Variants in SPATA31H1 observed in about 807,000 individuals in gnomAD.
SPATA31H1 encodes spermatogenesis-associated protein 31H1.
chr2:27,537,716 T>G, the SPATA31H1 span: 2 of 612,314 alleles, frequency 3.3e-6, no homozygotes, highest in South Asian at 2.0e-5. Context: ...TAGATCACTA[T>G]AAATCCTTTT....
chr2:27,566,393 A>G, the SPATA31H1 span: 3 of 716,922 alleles, frequency 4.2e-6, no homozygotes, highest in African/African-American at 3.5e-5. Flanking sequence ...AGGTCAGGCA[A>G]TGTAGTTTCT....
the SPATA31H1 span, among the ~76,000 whole-genome samples, chr2:27,554,822 C>G: frequency 6.6e-6 from 1 of 152,016 alleles, no homozygotes; most frequent in Non-Finnish European, 1.5e-5. Context: ...GATCCACCCA[C>G]CTCAGCTTCC....
At chr2:27,553,896 T>G in the SPATA31H1 span, among the ~76,000 whole-genome samples, 2 of 151,850 alleles carry the variant, frequency 1.3e-5, 1 homozygote, top group African/African-American at 4.9e-5. Flanking sequence ...CACTCCAGCC[T>G]GGGCAACAAG....
the SPATA31H1 span, chr2:27,576,792 G>T: frequency 6.2e-7 from 1 of 1,614,056 alleles, no homozygotes; most frequent in Non-Finnish European, 8.5e-7. Flanking sequence ...GTTGCAAAGC[G>T]TAAAACATGT....
chr2:27,579,659 G>T, the SPATA31H1 span: 1 of 1,614,180 alleles, frequency 6.2e-7, no homozygotes, highest in Non-Finnish European at 8.5e-7. Flanking sequence ...TCCTGGTAAA[G>T]TCAGAGTCTT....
the SPATA31H1 span, among the ~76,000 whole-genome samples, chr2:27,559,700 CTTTA>C: frequency 6.6e-6 from 1 of 151,954 alleles, no homozygotes; most frequent in Non-Finnish European, 1.5e-5. Context: ...CTTATCCATT[CTTTA>C]TTCAGAAATG....
At chr2:27,540,037 C>G in the SPATA31H1 span, among the ~76,000 whole-genome samples, 1 of 119,492 alleles carries the variant, frequency 8.4e-6, no homozygotes, top group Admixed American at 8.0e-5. Flanking sequence ...ACCTCCCTCC[C>G]GGACGGGGCG....
chr2:27,576,550 C>T, the SPATA31H1 span: 59 of 1,525,716 alleles, frequency 3.9e-5, no homozygotes, highest in Non-Finnish European at 5.0e-5. Context: ...GCATCGAAGC[C>T]ATGCTTTCAA....
the SPATA31H1 span, chr2:27,580,111 A>C: frequency 1.9e-6 from 3 of 1,614,222 alleles, no homozygotes; most frequent in South Asian, 1.1e-5. Flanking sequence ...CAAATCTCAA[A>C]GTATCGTGAA....
At chr2:27,539,667 G>A in the SPATA31H1 span, among the ~76,000 whole-genome samples, 1 of 101,538 alleles carries the variant, frequency 9.8e-6, no homozygotes, top group African/African-American at 3.8e-5. Context: ...CGGGCAGAGG[G>A]GCTCCTCACT....
the SPATA31H1 span, among the ~76,000 whole-genome samples, chr2:27,549,877 C>A: frequency 1.3e-5 from 2 of 151,904 alleles, no homozygotes; most frequent in Non-Finnish European, 2.9e-5. Flanking sequence ...GGCTGGTCTT[C>A]AATTCCTGGC....
the SPATA31H1 span, chr2:27,578,532 T>C: frequency 3.1e-6 from 5 of 1,614,050 alleles, no homozygotes; most frequent in Non-Finnish European, 4.2e-6. Context: ...TCCAAGTCCA[T>C]GTACTCAAGT....
chr2:27,559,186 A>G, the SPATA31H1 span, among the ~76,000 whole-genome samples: 1 of 152,084 alleles, frequency 6.6e-6, no homozygotes, highest in South Asian at 2.1e-4. Flanking sequence ...GAGTAGCGAT[A>G]TTTTTGCTTC....
the SPATA31H1 span, among the ~76,000 whole-genome samples, chr2:27,538,547 C>T: frequency 5.3e-4 from 81 of 152,168 alleles, no homozygotes; most frequent in African/African-American, 1.8e-3. Context: ...AAAAAGAGAA[C>T]GTAGCCGGGC....
chr2:27,578,169 A>G, the SPATA31H1 span: 4 of 1,613,994 alleles, frequency 2.5e-6, no homozygotes, highest in Non-Finnish European at 3.4e-6. Flanking sequence ...ACCAAGGCCA[A>G]CCCCTCAAAT....
chr2:27,552,273 G>T, the SPATA31H1 span, among the ~76,000 whole-genome samples: 1 of 151,866 alleles, frequency 6.6e-6, no homozygotes, highest in African/African-American at 2.4e-5. Flanking sequence ...GAATTAGATG[G>T]TGTGAATTAA....
the SPATA31H1 span, chr2:27,580,263 T>C: frequency 6.2e-7 from 1 of 1,614,042 alleles, no homozygotes; most frequent in African/African-American, 1.3e-5. Context: ...TGTACAAGTC[T>C]ACATCAGGCG....
chr2:27,572,226 G>A, the SPATA31H1 span: 1 of 398,488 alleles, frequency 2.5e-6, no homozygotes, highest in Non-Finnish European at 4.4e-6. Flanking sequence ...GTTGACCCCA[G>A]GACCACAGTT....
the SPATA31H1 span, chr2:27,567,047 A>T: frequency 1.4e-6 from 1 of 717,478 alleles, no homozygotes; most frequent in African/African-American, 1.7e-5. Flanking sequence ...AGCCCCAGAA[A>T]TCAAAAATTT....
Sources: gnomAD v4.1 joint callset for allele counts (sites outside exome capture counted in the v4.1 genomes callset) on GRCh38, gnomAD v4.1.1 for gene constraint, MANE v1.5 for transcripts, NCBI Gene and HGNC (gene_info 2026-07-23, HGNC 2026-07-21) for gene names.